SORCS3: variants seen among roughly 807,000 people sequenced by gnomAD.
SORCS3 encodes sortilin related VPS10 domain containing receptor 3, also known as VPS10 domain-containing receptor SorCS3.
SORCS3 carries 57 observed loss-of-function variants against 146.3 expected under a neutral mutation model. The observed-to-expected ratio is 0.39, with a 90% CI of 0.31 to 0.49. The LOEUF is 0.49. SORCS3 is among the 20% of genes least tolerant of loss of function. The pLI is 0.92. For synonymous variants in SORCS3, 653 were observed against 618.5 expected (o/e 1.06, Z -0.83); for missense variants, 1,341 against 1,575.5 (o/e 0.85, Z 2.52).
At chr10:104,643,745 T>TGTGTGTGTGTG (rs1554841272) in intron 1 of SORCS3, among the ~76,000 whole-genome samples, 6 of 147,686 alleles carry the variant, frequency 4.1e-5, no homozygotes, top group African/African-American at 1.2e-4. Flanking sequence ...TGTGTGTGTG[T>TGTGTGTGTGTG]TGGGGTTCTT....
At chr10:105,077,307 T>C (rs915800938) in intron 5 of SORCS3, among the ~76,000 whole-genome samples, 5 of 152,214 alleles carry the variant, frequency 3.3e-5, no homozygotes, top group African/African-American at 4.8e-5. Flanking sequence ...TGTGTTGTGA[T>C]TCACTAAGTG....
In SORCS3 at chr10:105,247,286, G is replaced by A; in HGVS notation, c.3060G>A (p.Glu1020=). 6.2e-7 allele frequency: 1 copy of A among 1,613,068 alleles called. No homozygotes were observed. The highest frequency in any genetic ancestry group is 1.1e-5 in the South Asian group (1 of 90,954). ...ATTACCACAATCCTGACATTCCTGA[G>A]TGGAGAAAAGATATTGGCAATGTCA... ...NLDYHNPDIP[E]WRKDIGNVIK... Residue 1020 remains glutamate, a synonymous_variant, in exon 22 of 27, where the codon GAG becomes GAA. Coordinates refer to ENST00000369701, the MANE Select transcript of SORCS3 (RefSeq NM_014978.3).
At chr10:104,943,696 C>A (rs2019342779) in intron 3 of SORCS3, among the ~76,000 whole-genome samples, 1 of 151,946 alleles carries the variant, frequency 6.6e-6, no homozygotes, top group African/African-American at 2.4e-5. Flanking sequence ...TGGACTTTTT[C>A]TGTGGAATTT....
intron 1 of SORCS3, among the ~76,000 whole-genome samples, chr10:104,821,678 C>T (rs1324194004): frequency 6.6e-6 from 1 of 152,200 alleles, no homozygotes; most frequent in Non-Finnish European, 1.5e-5. Flanking sequence ...AAAGCCATTT[C>T]TCCTGACTTC....
intron 20 of SORCS3, among the ~76,000 whole-genome samples, chr10:105,229,414 C>G (rs1298046857): frequency 1.3e-5 from 2 of 152,020 alleles, no homozygotes; most frequent in African/African-American, 4.8e-5. Flanking sequence ...GTCACTTTTT[C>G]TTGCTTTTTA....
chr10:105,044,721 G>A lies in SORCS3; in HGVS notation c.1028+1593G>A, dbSNP rs1452275. 1.7e-3 allele frequency among the ~76,000 whole-genome samples: 258 copies of A among 148,788 alleles called. 2 individuals are homozygous for A. Among genetic ancestry groups the A allele is most frequent in the African/African-American group, 6.0e-3 (242 of 40,180 alleles). ...TTGTTTTGTTGTTTTGTGTTGTTTT[G>A]TTCTTTGTACATGGTTCGGAGTAGT... On this transcript the variant is annotated intron_variant, in intron 5 of 26. Coordinates refer to ENST00000369701, the MANE Select transcript of SORCS3 (RefSeq NM_014978.3).
At chr10:105,207,496 T>C (rs1487867852) in intron 16 of SORCS3, among the ~76,000 whole-genome samples, 1 of 152,130 alleles carries the variant, frequency 6.6e-6, no homozygotes, top group Non-Finnish European at 1.5e-5. Context: ...AGCAGTAGAC[T>C]TCCCCGAGGC....
intron 20 of SORCS3, among the ~76,000 whole-genome samples, chr10:105,242,640 A>G (rs1564793711): frequency 1.2e-5 from 1 of 83,702 alleles, no homozygotes; most frequent in Non-Finnish European, 2.1e-5. Context: ...ATATACATTT[A>G]TATATATATT....
chr10:105,147,089 C>T (rs555935144), intron 8 of SORCS3, among the ~76,000 whole-genome samples: 4 of 152,184 alleles, frequency 2.6e-5, no homozygotes, highest in Admixed American at 1.3e-4. Context: ...ACAACAGATG[C>T]AAATATTTTC....
intron 1 of SORCS3, among the ~76,000 whole-genome samples, chr10:104,642,490 G>T (rs2015438197): frequency 6.6e-6 from 1 of 151,348 alleles, no homozygotes. Context: ...CAGGCGCGCA[G>T]TCCTCCAGCC....
intron 9 of SORCS3, among the ~76,000 whole-genome samples, chr10:105,152,165 A>G (rs574476945): frequency 4.6e-5 from 7 of 152,286 alleles, no homozygotes; most frequent in African/African-American, 1.7e-4. Context: ...ATTTTCTTCA[A>G]TGCTCTCCTG....
At chr10:105,069,920 A>G (rs967858333) in intron 5 of SORCS3, among the ~76,000 whole-genome samples, 1 of 152,018 alleles carries the variant, frequency 6.6e-6, no homozygotes, top group Admixed American at 6.6e-5. Flanking sequence ...CCCGATCCCA[A>G]CCTATCCCCC....
chr10:105,124,350 CT>C (rs1043482924), intron 7 of SORCS3, among the ~76,000 whole-genome samples: 37 of 152,184 alleles, frequency 2.4e-4, no homozygotes, highest in Non-Finnish European at 4.6e-4. Context: ...AGACAGGGGG[CT>C]GCTGTGAGCA....
intron 3 of SORCS3, among the ~76,000 whole-genome samples, chr10:104,976,895 T>G (rs1197913543): frequency 6.6e-6 from 1 of 151,760 alleles, no homozygotes; most frequent in East Asian, 1.9e-4. Context: ...AACATCACAC[T>G]CTGGGGACTG....
At chr10:105,058,999 G>C (rs764699141) in intron 5 of SORCS3, among the ~76,000 whole-genome samples, 3 of 151,944 alleles carry the variant, frequency 2.0e-5, no homozygotes, top group Non-Finnish European at 4.4e-5. Flanking sequence ...TAGTTTCTTC[G>C]GCCCCACCTG....
intron 2 of SORCS3, among the ~76,000 whole-genome samples, chr10:104,854,415 CTG>C (rs1216051488): frequency 6.6e-6 from 1 of 152,106 alleles, no homozygotes; most frequent in Non-Finnish European, 1.5e-5. Flanking sequence ...ATTGATATAA[CTG>C]AATATTCACA....
At chr10:104,703,607 G>T (rs547105112) in intron 1 of SORCS3, among the ~76,000 whole-genome samples, 53 of 152,016 alleles carry the variant, frequency 3.5e-4, no homozygotes, top group African/African-American at 1.2e-3. Flanking sequence ...TGGAGGGTGG[G>T]GGGTGAGGGG....
At chr10:104,762,108 G>T (rs1488385164) in intron 1 of SORCS3, among the ~76,000 whole-genome samples, 1 of 152,164 alleles carries the variant, frequency 6.6e-6, no homozygotes, top group Non-Finnish European at 1.5e-5. Context: ...CACCCAGGTG[G>T]ATAGCCTTCA....
intron 12 of SORCS3, 60 bp downstream of exon 12, chr10:105,164,439 C>G (rs1217017119): frequency 2.7e-6 from 3 of 1,112,752 alleles, no homozygotes; most frequent in South Asian, 2.5e-5. Flanking sequence ...ACCAATCTCT[C>G]TCTCCATCCT....
Sources: gnomAD v4.1 joint callset for allele counts (sites outside exome capture counted in the v4.1 genomes callset) on GRCh38, gnomAD v4.1.1 for gene constraint, MANE v1.5 for transcripts, NCBI Gene and HGNC (gene_info 2026-07-23, HGNC 2026-07-21) for gene names.